The following PKNOX2 variants were observed in gnomAD, a reference collection of about 807,000 sequenced individuals.
PKNOX2 encodes homeobox protein PKNOX2.
In PKNOX2, 14 loss-of-function variants were observed where a neutral mutation model predicts 53.1. That is an observed-to-expected ratio of 0.26 (90% CI 0.17 to 0.41). The LOEUF is 0.41. Ranked by LOEUF, PKNOX2 falls within the 10% of genes least tolerant of loss-of-function variation. The probability of loss-of-function intolerance (pLI) is 1.00; values close to 1 mark genes in which losing one functional copy is unlikely to be tolerated. For missense variants in PKNOX2, 496 were observed against 602.8 expected, an observed-to-expected ratio of 0.82 and a Z score of 1.85; for synonymous variants, 257 against 242.8, an observed-to-expected ratio of 1.06 and a Z score of -0.54.
Position 125,351,390 on chromosome 11 carries a change from C to G in PKNOX2, c.85C>G (p.Gln29Glu). Residue 29 changes from glutamine to glutamate, a missense_variant and splice_region_variant, in exon 4 of 13, where the codon CAG (glutamine) becomes GAG (glutamate). By Grantham distance (29) the Gln-to-Glu change is conservative. Transcript: ENST00000298282. Reference protein sequence around the residue: ...VPPPPYQDSPQMTATAQPPSK... With the variant: ...VPPPPYQDSPEMTATAQPPSK... ...GCCCCCACCCTACCAGGACAGCCCA[C>G]AGGTGAGTGCGCAGGGGCCGCTGCC... is the stretch of plus-strand genomic sequence containing the variant. 3 of 1,598,298 alleles carry G rather than the reference C, an allele frequency of 1.9e-6. No individual in the cohort carries two copies. Among genetic ancestry groups the G allele is most frequent in the East Asian group, 4.5e-5 (2 of 44,594 alleles).
chr11:125,224,250 T>A (rs1270317264), intron 1 of PKNOX2, among the ~76,000 whole-genome samples: 1 of 152,242 alleles, frequency 6.6e-6, no homozygotes, highest in East Asian at 1.9e-4. Context: ...ATCCAGCCGG[T>A]GCCACCCACA....
chr11:125,228,755 T>C (rs1259868564), intron 1 of PKNOX2, among the ~76,000 whole-genome samples: 12 of 152,222 alleles, frequency 7.9e-5, no homozygotes, highest in Non-Finnish European at 1.5e-5. Flanking sequence ...CAGGATTAAG[T>C]GGACATGATT....
chr11:125,317,883 A>G (rs1484491783), intron 2 of PKNOX2, among the ~76,000 whole-genome samples: 1 of 152,196 alleles, frequency 6.6e-6, no homozygotes, highest in African/African-American at 2.4e-5. Flanking sequence ...TAGCTATGAA[A>G]GTCCTGGATG....
intron 6 of PKNOX2, among the ~76,000 whole-genome samples, chr11:125,387,672 C>T (rs1953743279): frequency 6.6e-6 from 1 of 152,200 alleles, no homozygotes; most frequent in Admixed American, 6.5e-5. Flanking sequence ...CCTGGTGGCC[C>T]CATACTGCCA....
intron 1 of PKNOX2, chr11:125,189,822 C>T (rs1190932142): frequency 6.6e-6 from 1 of 152,164 alleles, no homozygotes; most frequent in Non-Finnish European, 1.5e-5. Flanking sequence ...TCCCCTCCCT[C>T]TCCTTCCTTC....
intron 1 of PKNOX2, among the ~76,000 whole-genome samples, chr11:125,233,532 G>A (rs1267699536): frequency 6.6e-6 from 1 of 152,194 alleles, no homozygotes; most frequent in Non-Finnish European, 1.5e-5. Context: ...TGGGCACTCT[G>A]CTAGGTTCTG....
At chr11:125,175,247 G>GGAAGGAAGGAAGGAAA (rs1312028336) in intron 1 of PKNOX2, among the ~76,000 whole-genome samples, 11 of 90,354 alleles carry the variant, frequency 1.2e-4, no homozygotes, top group Non-Finnish European at 2.7e-4. Context: ...AAGGAAGGAA[G>GGAAGGAAGGAAGGAAA]GAAAGAAGGA....
intron 2 of PKNOX2, among the ~76,000 whole-genome samples, chr11:125,266,004 G>A (rs1046784039): frequency 1.3e-5 from 2 of 152,130 alleles, no homozygotes; most frequent in Non-Finnish European, 2.9e-5. Context: ...GGAAACCTGG[G>A]CCCCCAGCTC....
At chr11:125,177,854 G>A (rs555469440) in intron 1 of PKNOX2, among the ~76,000 whole-genome samples, 1 of 152,330 alleles carries the variant, frequency 6.6e-6, no homozygotes, top group South Asian at 2.1e-4. Context: ...AGAAGCAGGG[G>A]AAGCAGTGCT....
chr11:125,254,952 A>G (rs1944302570), intron 2 of PKNOX2, among the ~76,000 whole-genome samples: 1 of 152,152 alleles, frequency 6.6e-6, no homozygotes, highest in African/African-American at 2.4e-5. Context: ...CACTTTACGC[A>G]CTTCTTAAAC....
Position 125,398,056 on chromosome 11 carries a change from C to T in PKNOX2, c.582C>T (p.His194=), listed in dbSNP as rs1319747351. The T allele has an allele frequency of 1.2e-6, 2 of 1,610,726 alleles. No individual in the cohort carries two copies. The highest frequency in any genetic ancestry group is 1.7e-6 in the Non-Finnish European group (2 of 1,178,290). ...CCAACCAGCCCTCCATCAACCTTCACTCACAGGTAACACCCAGAGCTGGGT... is the reference window on the plus strand; with the variant it reads ...CCAACCAGCCCTCCATCAACCTTCATTCACAGGTAACACCCAGAGCTGGGT... ...YSPNQPSINL[H]SQDLLQNSPN... Residue 194 remains histidine (H), a synonymous_variant, in exon 7 of 13, where the codon CAC becomes CAT. Transcript: ENST00000298282.
At chr11:125,365,941 G>A (rs1952167094) in intron 4 of PKNOX2, among the ~76,000 whole-genome samples, 2 of 152,224 alleles carry the variant, frequency 1.3e-5, no homozygotes, top group African/African-American at 4.8e-5. Context: ...ACATGGCAGG[G>A]ACTCAAGAAG....
intron 1 of PKNOX2, among the ~76,000 whole-genome samples, chr11:125,202,258 C>T (rs1393592745): frequency 6.6e-6 from 1 of 152,228 alleles, no homozygotes; most frequent in East Asian, 1.9e-4. Flanking sequence ...AGGGGCCAGC[C>T]AGGCTGCAGC....
At chr11:125,223,286 A>G (rs778307143) in intron 1 of PKNOX2, among the ~76,000 whole-genome samples, 11 of 151,836 alleles carry the variant, frequency 7.2e-5, no homozygotes, top group Non-Finnish European at 1.5e-4. Context: ...CTGGAATGCA[A>G]TGGCGCAATC....
intron 3 of PKNOX2, among the ~76,000 whole-genome samples, chr11:125,347,143 C>T (rs1457001000): frequency 2.6e-5 from 4 of 152,118 alleles, no homozygotes; most frequent in African/African-American, 7.2e-5. Flanking sequence ...TGTCCTTGTG[C>T]CAGCCATGGG....
intron 2 of PKNOX2, among the ~76,000 whole-genome samples, chr11:125,308,772 G>T (rs1460337073): frequency 4.6e-5 from 7 of 152,192 alleles, no homozygotes; most frequent in African/African-American, 1.7e-4. Flanking sequence ...CCCATTCTGG[G>T]TTGGTTCTCA....
intron 1 of PKNOX2, among the ~76,000 whole-genome samples, chr11:125,183,867 C>A (rs59533848): frequency 6.6e-6 from 1 of 152,244 alleles, no homozygotes; most frequent in Admixed American, 6.5e-5. Flanking sequence ...GGTCAGGGAA[C>A]GGTTACACCC....
Position 125,331,162 on chromosome 11 carries a change from C to T in PKNOX2, c.-129-657C>T, listed in dbSNP as rs910046228. ...CCACCCAGCCTCCATTTGCCAATGC[C>T]GTGGTCCATTTCAAATATTGAGAAA... On this transcript the variant is annotated intron_variant, in intron 2 of 12. Coordinates refer to ENST00000298282, the MANE Select transcript of PKNOX2 (RefSeq NM_001382323.2). 5.3e-5 allele frequency among the ~76,000 whole-genome samples: 8 copies of T among 152,332 alleles called. No individual in the cohort carries two copies. In the East Asian group the frequency reaches 5.8e-4, roughly 11 times the overall value.
intron 4 of PKNOX2, among the ~76,000 whole-genome samples, chr11:125,355,735 T>C (rs2136221880): frequency 1.3e-5 from 2 of 152,176 alleles, no homozygotes; most frequent in East Asian, 3.9e-4. Flanking sequence ...ATTTCTGTCC[T>C]CTCCTGCCTT....
Sources: gnomAD v4.1 joint callset for allele counts (sites outside exome capture counted in the v4.1 genomes callset) on GRCh38, gnomAD v4.1.1 for gene constraint, MANE v1.5 for transcripts, NCBI Gene and HGNC (gene_info 2026-07-23, HGNC 2026-07-21) for gene names.